The following RANBP2 variants were observed in gnomAD, a reference collection of about 807,000 sequenced individuals.
RANBP2 encodes E3 SUMO-protein ligase RanBP2.
A neutral mutation model predicts 303.6 loss-of-function variants in RANBP2; 57 were observed. The ratio of observed to expected loss-of-function variants is 0.19; its 90% CI spans 0.15 to 0.23. RANBP2 has a LOEUF of 0.23. Ranked by LOEUF, RANBP2 falls within the 10% of genes least tolerant of loss-of-function variation. The pLI is 1.00. For missense variants in RANBP2, 3,138 were observed against 3,780.8 expected (o/e 0.83, Z 4.46); for synonymous variants, 1,167 against 1,301.5 (o/e 0.90, Z 2.23).
the RANBP2 span, chr2:109,615,925 C>G: frequency 6.2e-7 from 1 of 1,606,836 alleles, no homozygotes; most frequent in Non-Finnish European, 8.5e-7. Context: ...CGATTCAGAA[C>G]CCAGATCGTC....
the RANBP2 span, among the ~76,000 whole-genome samples, chr2:109,010,536 G>C: frequency 6.6e-6 from 1 of 152,144 alleles, no homozygotes; most frequent in African/African-American, 2.4e-5. Flanking sequence ...GGTGCTGGCC[G>C]ATTCAGTTCC....
At chr2:109,507,020 G>A in the RANBP2 span, among the ~76,000 whole-genome samples, 7,497 of 152,270 alleles carry the variant, frequency 0.049, 238 homozygotes, top group South Asian at 0.073. Flanking sequence ...TGCCAGTCCC[G>A]CAGTCTTGGG....
chr2:108,907,785 A>C, the RANBP2 span: 1 of 1,567,606 alleles, frequency 6.4e-7, no homozygotes, highest in Non-Finnish European at 8.8e-7. Flanking sequence ...AGCTGATTCA[A>C]TAAGAAAGTT....
At chr2:109,593,409 C>CT in the RANBP2 span, among the ~76,000 whole-genome samples, 79 of 133,724 alleles carry the variant, frequency 5.9e-4, no homozygotes, top group Middle Eastern at 3.9e-3. Context: ...AGAGAAAGAA[C>CT]TTTTTTTTTT....
chr2:109,220,134 C>T, the RANBP2 span, among the ~76,000 whole-genome samples: 1 of 152,162 alleles, frequency 6.6e-6, no homozygotes, highest in African/African-American at 2.4e-5. Flanking sequence ...ATGTATGGTC[C>T]ATTGGTTTTT....
the RANBP2 span, among the ~76,000 whole-genome samples, chr2:109,699,644 A>G: frequency 2.6e-5 from 4 of 152,224 alleles, no homozygotes; most frequent in Non-Finnish European, 5.9e-5. Context: ...CACATTACAT[A>G]GGCTGAGAAG....
intron 9 of RANBP2, among the ~76,000 whole-genome samples, chr2:108,749,547 C>G (rs1675682546): frequency 6.6e-6 from 1 of 152,014 alleles, no homozygotes. Flanking sequence ...ATCCACCTGC[C>G]TTGGCCTCCC....
the RANBP2 span, among the ~76,000 whole-genome samples, chr2:108,923,675 C>G: frequency 9.2e-5 from 14 of 152,238 alleles, no homozygotes; most frequent in Non-Finnish European, 1.8e-4. Flanking sequence ...CAACGTGGGC[C>G]TTTCTTTTGA....
chr2:109,657,825 T>C, the RANBP2 span, among the ~76,000 whole-genome samples: 4 of 150,020 alleles, frequency 2.7e-5, no homozygotes, highest in Non-Finnish European at 5.9e-5. Flanking sequence ...GCTCAAGTGA[T>C]TCTCGTGCCT....
the RANBP2 span, among the ~76,000 whole-genome samples, chr2:109,142,123 T>C: frequency 1.3e-5 from 2 of 151,414 alleles, no homozygotes; most frequent in Non-Finnish European, 2.9e-5. Context: ...CTGAGTCACC[T>C]ACCGGGTGGG....
the RANBP2 span, among the ~76,000 whole-genome samples, chr2:108,949,647 A>T: frequency 4.6e-5 from 7 of 152,158 alleles, no homozygotes; most frequent in African/African-American, 1.7e-4. Flanking sequence ...TAATCATCTG[A>T]GGTTGGAGGA....
At chr2:108,807,688 G>A in the RANBP2 span, among the ~76,000 whole-genome samples, 9 of 152,064 alleles carry the variant, frequency 5.9e-5, no homozygotes, top group Non-Finnish European at 1.2e-4. Flanking sequence ...CATGATCTCG[G>A]CTCACTGCAA....
rs372840811 is a variant in RANBP2, at chr2:108,753,981, A to C, written c.2202+10A>C. On this transcript the variant is annotated intron_variant, in intron 15 of 28. Coordinates refer to ENST00000283195, the MANE Select transcript of RANBP2 (RefSeq NM_006267.5). ...TTCAGTGGTCAAGAAAGTAAGTAGCAGGTTGTTGTATGTACGTTCTTACTG... is the reference window on the plus strand; with the variant it reads ...TTCAGTGGTCAAGAAAGTAAGTAGCCGGTTGTTGTATGTACGTTCTTACTG... 9.3e-6 allele frequency: 15 copies of C among 1,611,692 alleles called. No homozygotes were observed. The highest frequency in any genetic ancestry group is 1.1e-5 in the Non-Finnish European group (13 of 1,179,750).
chr2:108,859,291 G>C, the RANBP2 span, among the ~76,000 whole-genome samples: 1 of 152,110 alleles, frequency 6.6e-6, no homozygotes, highest in Non-Finnish European at 1.5e-5. Context: ...GTAGATTCTG[G>C]ATATTAGTCC....
the RANBP2 span, among the ~76,000 whole-genome samples, chr2:109,352,110 T>C: frequency 6.6e-6 from 1 of 152,214 alleles, no homozygotes; most frequent in Non-Finnish European, 1.5e-5. Flanking sequence ...TTGCTTTTTT[T>C]AACTTTAAAT....
chr2:109,348,086 A>G, the RANBP2 span: 1 of 1,235,410 alleles, frequency 8.1e-7, no homozygotes, highest in Non-Finnish European at 1.1e-6. Context: ...ACCCTGGGCA[A>G]ATGACCCAGC....
chr2:108,732,106 C>A (rs1337818132), intron 4 of RANBP2, among the ~76,000 whole-genome samples: 3 of 152,100 alleles, frequency 2.0e-5, no homozygotes, highest in Non-Finnish European at 4.4e-5. Flanking sequence ...TTAATGTATA[C>A]TTTATCGTGT....
chr2:109,480,627 G>A, the RANBP2 span, among the ~76,000 whole-genome samples: 1 of 152,018 alleles, frequency 6.6e-6, no homozygotes, highest in Non-Finnish European at 1.5e-5. Context: ...CTGCCCTGTG[G>A]GAGGAGGAGG....
chr2:109,261,934 C>A, the RANBP2 span, among the ~76,000 whole-genome samples: 2 of 152,062 alleles, frequency 1.3e-5, no homozygotes, highest in African/African-American at 4.8e-5. Context: ...GTATTAAGAT[C>A]TTTACTGGAT....
Sources: allele counts gnomAD v4.1 joint callset (sites outside exome capture counted in the v4.1 genomes callset), GRCh38; gene constraint gnomAD v4.1.1; transcripts MANE v1.5; gene names NCBI Gene and HGNC (gene_info 2026-07-23, HGNC 2026-07-21).